Variants in KCNN3 observed in about 807,000 individuals in gnomAD.
The protein encoded by KCNN3 is small conductance calcium-activated potassium channel protein 3.
Under a neutral mutation model 62.9 loss-of-function variants are expected in KCNN3, and 16 were observed. That is an observed-to-expected ratio of 0.25 (90% confidence interval 0.17 to 0.39). KCNN3 has a LOEUF of 0.39. Ranked by LOEUF, KCNN3 falls within the 10% of genes least tolerant of loss-of-function variation. The pLI is 1.00. For missense variants in KCNN3, 599 were observed against 949.4 expected (o/e 0.63, Z 4.85); for synonymous variants, 370 against 389.2 (o/e 0.95, Z 0.58).
rs189022373 is a variant in KCNN3, at chr1:154,864,572, C to T, written c.933+4460G>A. Among the ~76,000 whole-genome samples, 825 of 152,364 alleles carry T rather than the reference C, an allele frequency of 5.4e-3. 5 individuals are homozygous for T. Among genetic ancestry groups the T allele is most frequent in the Admixed American group, 9.3e-3 (142 of 15,308 alleles). On this transcript the variant is annotated intron_variant, in intron 1 of 7. Coordinates refer to ENST00000271915, the MANE Select transcript of KCNN3 (RefSeq NM_002249.6). ...TCTGTTTAAAGAGTGAATGGCCAGA[C>T]GACCAGGCTCCCCTGGGCATACGGA...
intron 2 of KCNN3, among the ~76,000 whole-genome samples, chr1:154,787,632 G>A (rs1649339747): frequency 6.6e-6 from 1 of 152,164 alleles, no homozygotes; most frequent in Non-Finnish European, 1.5e-5. Context: ...CACAGGTACT[G>A]CCCTGGATCC....
intron 3 of KCNN3, among the ~76,000 whole-genome samples, chr1:154,771,086 A>T (rs1648538260): frequency 6.7e-6 from 1 of 150,272 alleles, no homozygotes; most frequent in African/African-American, 2.4e-5. Context: ...TAAATAAATA[A>T]ATAAATAAAT....
intron 3 of KCNN3, chr1:154,737,202 A>C: frequency 7.2e-6 from 1 of 139,252 alleles, no homozygotes; most frequent in Non-Finnish European, 1.5e-5. Flanking sequence ...TGCAATAGAA[A>C]ATTTGGGGGG....
At chr1:154,782,445 T>C (rs1233106352) in intron 2 of KCNN3, among the ~76,000 whole-genome samples, 1 of 152,272 alleles carries the variant, frequency 6.6e-6, no homozygotes, top group Non-Finnish European at 1.5e-5. Context: ...GCCATCTCAC[T>C]GTGTCCTCAC....
rs567575395 is a variant in KCNN3, at chr1:154,838,474, GC to G, written c.934-16291del. 4.6e-3 allele frequency among the ~76,000 whole-genome samples: 704 copies of G among 152,230 alleles called. 5 individuals are homozygous for G. The highest frequency in any genetic ancestry group is 0.01 in the Middle Eastern group (3 of 294). On this transcript the variant is annotated intron_variant, in intron 1 of 7. Coordinates refer to ENST00000271915, the MANE Select transcript of KCNN3 (RefSeq NM_002249.6). ...GATCTGACCCCTGCCTGCCTCTACAGCCCCATATCTCATACTCACACCATAA... is the reference window on the plus strand; with the variant it reads ...GATCTGACCCCTGCCTGCCTCTACAGCCCATATCTCATACTCACACCATAA...
chr1:154,744,076 C>A (rs778379461), intron 3 of KCNN3, among the ~76,000 whole-genome samples: 3 of 152,146 alleles, frequency 2.0e-5, no homozygotes, highest in Non-Finnish European at 4.4e-5. Flanking sequence ...TTCTCCACAG[C>A]GCTTATCACC....
intron 6 of KCNN3, among the ~76,000 whole-genome samples, chr1:154,714,238 GCGGTGTGTA>G (rs1700157237): frequency 2.2e-4 from 2 of 8,922 alleles, no homozygotes; most frequent in Admixed American, 1.2e-3. Context: ...TGGGGTGTGT[GCGGTGTGTA>G]TGGTGTGTGT....
intron 1 of KCNN3, among the ~76,000 whole-genome samples, chr1:154,839,584 CGAAGG>C (rs1269079565): frequency 3.6e-5 from 1 of 27,854 alleles, no homozygotes; most frequent in Admixed American, 8.2e-4. Context: ...ACCTGGCTGA[CGAAGG>C]TTTGGCCCAG....
At chr1:154,717,225 T>C (rs1228229191) in intron 5 of KCNN3, among the ~76,000 whole-genome samples, 1 of 152,188 alleles carries the variant, frequency 6.6e-6, no homozygotes, top group Non-Finnish European at 1.5e-5. Flanking sequence ...ATTATCCACA[T>C]TTTACAGATG....
In KCNN3 at chr1:154,785,479, C is replaced by G. The variant is rs1649238028; in HGVS notation, c.1030-13086G>C. Among the ~76,000 whole-genome samples, 4 of 152,182 alleles carry G rather than the reference C, an allele frequency of 2.6e-5. No individual in the cohort carries two copies. In the South Asian group the frequency reaches 8.3e-4, roughly 32 times the overall value. ...GTCACCCCTTCAGGGGGAGCTTTTC[C>G]TGATCTCCCAGTGGCGGGGGCAGCA... On this transcript the variant is annotated intron_variant, in intron 2 of 7. Transcript: ENST00000271915.
intron 3 of KCNN3, among the ~76,000 whole-genome samples, chr1:154,733,820 T>A (rs1367096589): frequency 1.3e-5 from 2 of 151,934 alleles, no homozygotes; most frequent in Non-Finnish European, 2.9e-5. Flanking sequence ...ATCCCCTTCC[T>A]CCCTCCCTTC....
chr1:154,841,037 C>G (rs898389076), intron 1 of KCNN3, among the ~76,000 whole-genome samples: 1 of 152,160 alleles, frequency 6.6e-6, no homozygotes, highest in East Asian at 1.9e-4. Flanking sequence ...GGTCAGGCCC[C>G]GACCTAATCA....
At chr1:154,838,651 G>T (rs11264274) in intron 1 of KCNN3, among the ~76,000 whole-genome samples, 35,886 of 151,904 alleles carry the variant, frequency 0.24, 4,869 homozygotes, top group Non-Finnish European at 0.3. Context: ...CTCCGTTCTC[G>T]CCACTCCCAC....
At chr1:154,853,090 C>T (rs546947990) in intron 1 of KCNN3, among the ~76,000 whole-genome samples, 19 of 151,766 alleles carry the variant, frequency 1.3e-4, no homozygotes, top group East Asian at 7.8e-4. Flanking sequence ...CCTGGGCTTA[C>T]GGGATCTTCC....
At chr1:154,849,018 C>G (rs1571336529) in intron 1 of KCNN3, among the ~76,000 whole-genome samples, 1 of 152,164 alleles carries the variant, frequency 6.6e-6, no homozygotes. Context: ...GACCTTTCCC[C>G]GACAGCAAAC....
chr1:154,816,698 C>T lies in KCNN3; in HGVS notation c.1029+5391G>A, dbSNP rs188943898. On this transcript the variant is annotated intron_variant, in intron 2 of 7. Coordinates refer to ENST00000271915, the MANE Select transcript of KCNN3 (RefSeq NM_002249.6). Reference sequence around the variant, plus strand: ...CAGCTCTGGGCATCAACACCCCTCACCTGGCCCATGATGACGTGCTTCCCA... The same window carrying T: ...CAGCTCTGGGCATCAACACCCCTCATCTGGCCCATGATGACGTGCTTCCCA... 6.2e-4 allele frequency among the ~76,000 whole-genome samples: 94 copies of T among 152,356 alleles called. 2 individuals carry two copies. Among genetic ancestry groups the T allele is most frequent in the East Asian group, 1.2e-3 (6 of 5,190 alleles).
chr1:154,735,267 T>C (rs994098772), intron 3 of KCNN3, among the ~76,000 whole-genome samples: 17 of 152,168 alleles, frequency 1.1e-4, no homozygotes, highest in African/African-American at 3.9e-4. Context: ...AGCCCGGCCC[T>C]AGCAGATTCC....
Position 154,869,139 on chromosome 1 carries a change from G to A in KCNN3, c.826C>T (p.Leu276=). The change falls in exon 1 of 8, where the codon CTG becomes TTG. Residue 276 remains leucine (L), a synonymous_variant. Coordinates refer to ENST00000271915, the MANE Select transcript of KCNN3 (RefSeq NM_002249.6). The surrounding 1 kb of genome is among the most constrained non-coding windows in gnomAD (Gnocchi z 6.1). ...CTCAGTCGCTTTCTCTTTTCAAACA[G>A]GGCCCTCCTGTGTCCCAGCTTATAG... is the stretch of plus-strand genomic sequence containing the variant. ...IGYKLGHRRA[L]FEKRKRLSDY... 1 of 1,614,094 alleles carries A rather than the reference G, an allele frequency of 6.2e-7. No individual in the cohort carries two copies. Among genetic ancestry groups the A allele is most frequent in the Non-Finnish European group, 8.5e-7 (1 of 1,180,018 alleles).
chr1:154,804,875 C>T (rs1348188061), intron 2 of KCNN3, among the ~76,000 whole-genome samples: 2 of 152,168 alleles, frequency 1.3e-5, no homozygotes, highest in African/African-American at 4.8e-5. Context: ...GGCAGTCTGG[C>T]TCCAGAGTCA....
Sources: gnomAD v4.1 joint callset for allele counts (sites outside exome capture counted in the v4.1 genomes callset) on GRCh38, gnomAD v4.1.1 for gene constraint, Gnocchi (gnomAD v3.1) non-coding constraint, MANE v1.5 for transcripts, NCBI Gene and HGNC (gene_info 2026-07-23, HGNC 2026-07-21) for gene names.